SND1: variants seen among roughly 807,000 people sequenced by gnomAD.
SND1 encodes staphylococcal nuclease domain-containing protein 1.
SND1 carries 38 observed loss-of-function variants against 121.7 expected under a neutral mutation model. That is an observed-to-expected ratio of 0.31 (90% confidence interval 0.24 to 0.41). The LOEUF (loss-of-function observed/expected upper bound fraction) is 0.41, where lower values mean the gene tolerates loss of function less well. Among genes scored for constraint, SND1 ranks in the 10% least tolerant of loss-of-function variants. The probability of loss-of-function intolerance (pLI) is 1.00; values close to 1 mark genes in which losing one functional copy is unlikely to be tolerated. For synonymous variants in SND1, 401 were observed against 447.4 expected (o/e 0.90, Z 1.31); for missense variants, 868 against 1,184.6 (o/e 0.73, Z 3.92).
At chr7:127,843,953 T>C (rs1799010777) in intron 11 of SND1, among the ~76,000 whole-genome samples, 1 of 152,236 alleles carries the variant, frequency 6.6e-6, no homozygotes, top group Non-Finnish European at 1.5e-5. Flanking sequence ...TATCTCATTG[T>C]TGTTTAAGTT....
At chr7:127,817,740 TTTTTTTTG>T (rs1798471390) in intron 11 of SND1, among the ~76,000 whole-genome samples, 1 of 146,502 alleles carries the variant, frequency 6.8e-6, no homozygotes, top group African/African-American at 2.5e-5. Flanking sequence ...TTTTTTTTTT[TTTTTTTTG>T]GTCAGGAATC....
intron 10 of SND1, among the ~76,000 whole-genome samples, chr7:127,736,034 C>T (rs935993821): frequency 1.3e-5 from 2 of 152,168 alleles, no homozygotes; most frequent in African/African-American, 2.4e-5. Context: ...ACTGAATTCT[C>T]CCTTTTTAAT....
At chr7:127,976,982 TGTCTCTTGCTGC>T (rs1802134829) in intron 15 of SND1, among the ~76,000 whole-genome samples, 1 of 152,180 alleles carries the variant, frequency 6.6e-6, no homozygotes, top group Non-Finnish European at 1.5e-5. Context: ...CTAATGGAGC[TGTCTCTTGCTGC>T]AGCATGCTTC....
At position 127,942,798 on chromosome 7, in the gene SND1, A is replaced by G. The variant is rs74683568; in HGVS notation, c.1669+13469A>G. ...CTCCCTAAAGGTTTTCTCTGATATA[A>G]TCTTCATTCTTCTAATAGCTGTTGG... On this transcript the variant is annotated intron_variant, in intron 15 of 23. Transcript: ENST00000354725. 2.6e-5 allele frequency among the ~76,000 whole-genome samples: 4 copies of G among 152,328 alleles called. No individual in the cohort carries two copies. The East Asian group carries it at 7.7e-4, about 29-fold the overall frequency.
At chr7:127,720,011 G>T (rs151287093) in intron 9 of SND1, among the ~76,000 whole-genome samples, 1 of 152,256 alleles carries the variant, frequency 6.6e-6, no homozygotes, top group Non-Finnish European at 1.5e-5. Flanking sequence ...TTGGTTCTTT[G>T]TGTTTCCGGT....
Position 127,721,342 on chromosome 7 carries a change from A to G in SND1, c.1094A>G (p.Tyr365Cys), listed in dbSNP as rs773655609. The change falls in exon 10 of 24, where the codon TAC becomes TGC. Residue 365 changes from tyrosine (Y) to cysteine (C), a missense_variant. Around this residue, in one of 2 missense-constraint regions of SND1, gnomAD observed 743 missense variants for 1,071.3 expected, o/e 0.69. Transcript: ENST00000354725. ...AIVVKLNSGDYKTIHLSSIRP... is the reference protein window; with the variant it reads ...AIVVKLNSGDCKTIHLSSIRP... ...GTTGTGAAGCTGAACTCAGGCGATTACAAGACGATTCACCTGTCCAGCATC... is the reference window on the plus strand; with the variant it reads ...GTTGTGAAGCTGAACTCAGGCGATTGCAAGACGATTCACCTGTCCAGCATC... 3 of 1,613,766 alleles carry G rather than the reference A, an allele frequency of 1.9e-6. No homozygotes were observed. Among genetic ancestry groups the G allele is most frequent in the Admixed American group, 1.7e-5 (1 of 60,010 alleles).
chr7:127,863,544 T>C (rs1165181697), intron 12 of SND1, among the ~76,000 whole-genome samples: 1 of 152,244 alleles, frequency 6.6e-6, no homozygotes, highest in East Asian at 1.9e-4. Flanking sequence ...GTTTTGAACA[T>C]ATGAATTAAC....
Position 127,809,860 on chromosome 7 carries a change from C to T in SND1, c.1242+2287C>T, listed in dbSNP as rs115590877. On this transcript the variant is annotated intron_variant, in intron 11 of 23. Coordinates refer to ENST00000354725, the MANE Select transcript of SND1 (RefSeq NM_014390.4). ...ATCCTAGTTTTTGGAAATGGATTCA[C>T]TTCCTGGATTTAATTCTGGATTAAT... Among the ~76,000 whole-genome samples the T allele has an allele frequency of 5.8e-3, 890 of 152,306 alleles. 16 individuals are homozygous for T. Among genetic ancestry groups the T allele is most frequent in the African/African-American group, 0.02 (848 of 41,552 alleles).
intron 16 of SND1, among the ~76,000 whole-genome samples, chr7:128,023,327 A>G (rs966047005): frequency 1.3e-5 from 2 of 152,150 alleles, no homozygotes; most frequent in Non-Finnish European, 2.9e-5. Context: ...GTAACACTTA[A>G]TGGTCAGGGA....
At position 128,086,992 on chromosome 7, in the gene SND1, C is replaced by T. The variant is rs774721142; in HGVS notation, c.2359C>T (p.Arg787Trp). The T allele has an allele frequency of 8.1e-6, 13 of 1,614,090 alleles. No individual in the cohort carries two copies. The highest frequency in any genetic ancestry group is 1.7e-5 in the Admixed American group (1 of 60,002). The change falls in exon 21 of 24, where the codon CGG becomes TGG. Residue 787 changes from arginine (R) to tryptophan (W), a missense_variant. Transcript: ENST00000354725. ...LGTLSPAFST[R>W]VLPAQATEYA... ...TACCCTATCACCTGCCTTCAGCACT[C>T]GGGTGCTGCCAGCTCAAGCCACGGA... is the stretch of plus-strand genomic sequence containing the variant.
intron 15 of SND1, among the ~76,000 whole-genome samples, chr7:127,936,667 C>G (rs1278590044): frequency 1.3e-5 from 2 of 152,084 alleles, no homozygotes; most frequent in Admixed American, 6.5e-5. Flanking sequence ...CCCTCAGATC[C>G]TGAGTATCTG....
intron 10 of SND1, among the ~76,000 whole-genome samples, chr7:127,771,089 T>A (rs1797504928): frequency 6.6e-6 from 1 of 152,204 alleles, no homozygotes; most frequent in South Asian, 2.1e-4. Flanking sequence ...CAGGATGACA[T>A]CTGGACTCAG....
intron 16 of SND1, among the ~76,000 whole-genome samples, chr7:128,072,663 C>T (rs1332195815): frequency 1.3e-5 from 2 of 152,130 alleles, no homozygotes; most frequent in Non-Finnish European, 2.9e-5. Context: ...CCACCCCTAC[C>T]ACACTACCCC....
chr7:128,090,487 G>C (rs1457933153), intron 22 of SND1, among the ~76,000 whole-genome samples: 5 of 152,210 alleles, frequency 3.3e-5, no homozygotes, highest in Non-Finnish European at 7.3e-5. Flanking sequence ...CCATCCAAGA[G>C]GGCCAGACTT....
chr7:127,867,306 T>G (rs752350235), intron 12 of SND1, among the ~76,000 whole-genome samples: 6 of 152,208 alleles, frequency 3.9e-5, no homozygotes, highest in Non-Finnish European at 8.8e-5. Context: ...TATACCACAC[T>G]TTCGTGGATT....
intron 16 of SND1, among the ~76,000 whole-genome samples, chr7:128,012,520 G>T (rs1367412394): frequency 1.3e-5 from 2 of 152,208 alleles, no homozygotes; most frequent in African/African-American, 4.8e-5. Context: ...TGGGGCAAGA[G>T]GACTGAAACT....
intron 10 of SND1, among the ~76,000 whole-genome samples, chr7:127,772,254 A>G (rs1247748945): frequency 1.3e-5 from 2 of 152,230 alleles, no homozygotes; most frequent in African/African-American, 2.4e-5. Context: ...TTTTCTCACT[A>G]GCCAAAATTA....
At chr7:127,832,761 G>C (rs1009609955) in intron 11 of SND1, among the ~76,000 whole-genome samples, 1 of 152,212 alleles carries the variant, frequency 6.6e-6, no homozygotes, top group Non-Finnish European at 1.5e-5. Context: ...ACTGGTCCCT[G>C]GCCTGTTAGG....
At chr7:127,801,721 G>A (rs1257398064) in intron 10 of SND1, among the ~76,000 whole-genome samples, 2 of 152,166 alleles carry the variant, frequency 1.3e-5, no homozygotes, top group Non-Finnish European at 2.9e-5. Context: ...GAAGGTGCAC[G>A]CCACCATAGT....
Sources: gnomAD v4.1 joint callset for allele counts (sites outside exome capture counted in the v4.1 genomes callset) on GRCh38, gnomAD v4.1.1 for gene constraint, gnomAD v4.1.1 regional missense constraint, MANE v1.5 for transcripts, NCBI Gene and HGNC (gene_info 2026-07-23, HGNC 2026-07-21) for gene names.